CELA2A: variants seen among roughly 807,000 people sequenced by gnomAD.
CELA2A encodes the protein chymotrypsin-like elastase family member 2A.
Under a neutral mutation model 35.3 loss-of-function variants are expected in CELA2A, and 31 were observed. The observed-to-expected ratio is 0.88, with a 90% CI of 0.66 to 1.19. The LOEUF is 1.19. CELA2A is among the 50% of genes most tolerant of loss of function. CELA2A has a pLI of 0.00. For synonymous variants in CELA2A, 150 were observed against 149.8 expected (o/e 1.00, Z -0.01); for missense variants, 330 against 352.9 (o/e 0.94, Z 0.52).
chr1:15,459,248 G>A (rs1422789376), intron 2 of CELA2A, among the ~76,000 whole-genome samples: 5 of 151,058 alleles, frequency 3.3e-5, no homozygotes, highest in East Asian at 3.9e-4. Flanking sequence ...CAGCGGCCTC[G>A]AACTCCTAGG....
In CELA2A at chr1:15,461,657, A is replaced by C. The variant is rs770239262; in HGVS notation, c.226A>C (p.Ser76Arg). ...GGTCCTGACGGCTGCCCACTGCATCAGGTAACTGCCTTTCCCTGGGCGCTT... is the reference window on the plus strand; with the variant it reads ...GGTCCTGACGGCTGCCCACTGCATCCGGTAACTGCCTTTCCCTGGGCGCTT... ...SWVLTAAHCI[S>R]SSRTYRVGLG... The change falls in exon 3 of 8, where the codon AGC becomes CGC. Residue 76 changes from serine (S) to arginine (R), a missense_variant and splice_region_variant. By Grantham distance (110) the Ser-to-Arg change is moderately radical (BLOSUM62 -1). Coordinates refer to ENST00000359621, the MANE Select transcript of CELA2A (RefSeq NM_033440.3). The C allele has an allele frequency of 2.5e-6, 4 of 1,613,952 alleles. No individual in the cohort carries two copies. The highest frequency in any genetic ancestry group is 3.4e-6 in the Non-Finnish European group (4 of 1,179,958).
At chr1:15,464,098 G>A (rs554194594) in intron 5 of CELA2A, among the ~76,000 whole-genome samples, 1 of 152,116 alleles carries the variant, frequency 6.6e-6, no homozygotes, top group Non-Finnish European at 1.5e-5. Context: ...GAGTTGTCAC[G>A]AGGATTAAAG....
At chr1:15,460,232 C>G (rs1426844930) in intron 2 of CELA2A, among the ~76,000 whole-genome samples, 2 of 152,068 alleles carry the variant, frequency 1.3e-5, no homozygotes, top group African/African-American at 4.8e-5. Context: ...TTTAGCTACA[C>G]TTTGCTGGCC....
chr1:15,469,248 C>T (rs942148823), intron 7 of CELA2A, among the ~76,000 whole-genome samples: 1 of 152,242 alleles, frequency 6.6e-6, no homozygotes, highest in African/African-American at 2.4e-5. Context: ...ATGCCTCGTA[C>T]TGGATGCTAG....
At chr1:15,469,061 C>T (rs1392382716) in intron 7 of CELA2A, among the ~76,000 whole-genome samples, 1 of 152,072 alleles carries the variant, frequency 6.6e-6, no homozygotes. Context: ...GCTTGTAATC[C>T]CAGCTACTCA....
At chr1:15,467,685 A>G (rs1453709281) in intron 7 of CELA2A, 147 bp downstream of exon 7, 9 of 1,001,590 alleles carry the variant, frequency 9.0e-6, no homozygotes, top group Non-Finnish European at 1.1e-5. Flanking sequence ...GACCTGAGTA[A>G]CTGCTGGGCC....
intron 7 of CELA2A, among the ~76,000 whole-genome samples, chr1:15,471,318 G>T (rs1312712499): frequency 6.6e-6 from 1 of 152,140 alleles, no homozygotes; most frequent in Non-Finnish European, 1.5e-5. Flanking sequence ...AAGCTGAGGC[G>T]AGTAGATCAC....
At chr1:15,463,861 G>A (rs949006611) in intron 5 of CELA2A, among the ~76,000 whole-genome samples, 3 of 151,686 alleles carry the variant, frequency 2.0e-5, no homozygotes, top group Non-Finnish European at 2.9e-5. Context: ...TGACCAACAC[G>A]GAGAAACTCT....
In CELA2A at chr1:15,467,747, A is replaced by G. The variant is rs1165585278; in HGVS notation, c.792+209A>G. On this transcript the variant is annotated intron_variant, in intron 7 of 7. Coordinates refer to ENST00000359621, the MANE Select transcript of CELA2A (RefSeq NM_033440.3). ...TGGATAAAGCTGAGTGAAAAGGAAC[A>G]TAGAGGGTGGCCTTGTCCAAAGAGG... Among the ~76,000 whole-genome samples, 4 of 152,150 alleles carry G rather than the reference A, an allele frequency of 2.6e-5. 1 individual carries two copies. The highest frequency in any genetic ancestry group is 1.5e-5 in the Non-Finnish European group (1 of 68,028).
rs187117787 is a variant in CELA2A, at chr1:15,471,777, C to A, written c.793-213C>A. On this transcript the variant is annotated intron_variant, in intron 7 of 7. Transcript: ENST00000359621. ...CCCACACAGGACTCCTGGCTAAGAC[C>A]CCCTTTACAGGAAGACCCTAACAGG... Among the ~76,000 whole-genome samples, 757 of 152,224 alleles carry A rather than the reference C, an allele frequency of 5.0e-3. 31 individuals carry two copies. The highest frequency in any genetic ancestry group is 0.035 in the Admixed American group (534 of 15,294).
In CELA2A at chr1:15,461,648, C is replaced by A; in HGVS notation, c.217C>A (p.His73Asn). ...IANSWVLTAA[H>N]CISSSRTYRV... ...CAACAGCTGGGTCCTGACGGCTGCC[C>A]ACTGCATCAGGTAACTGCCTTTCCC... The change falls in exon 3 of 8, where the codon CAC becomes AAC. Residue 73 changes from histidine (H) to asparagine (N), a missense_variant. By Grantham distance (68) the His-to-Asn change is moderately conservative. Transcript: ENST00000359621. 6.2e-7 allele frequency: 1 copy of A among 1,613,936 alleles called. No individual in the cohort carries two copies. Among genetic ancestry groups the A allele is most frequent in the Non-Finnish European group, 8.5e-7 (1 of 1,180,052 alleles).
Position 15,456,761 on chromosome 1 carries a change from G to C in CELA2A, c.8G>C (p.Arg3Thr). The C allele has an allele frequency of 6.2e-7, 1 of 1,614,170 alleles. No homozygotes were observed. The highest frequency in any genetic ancestry group is 8.5e-7 in the Non-Finnish European group (1 of 1,180,028). Residue 3 changes from arginine to threonine, a missense_variant, in exon 1 of 8, where the codon AGG becomes ACG. Coordinates refer to ENST00000359621, the MANE Select transcript of CELA2A (RefSeq NM_033440.3). MI[R>T]TLLLSTLVAG... ...AACTCCCACGGACACACCATGATAA[G>C]GACGCTGCTGCTGTCCACTTTGGTG...
chr1:15,467,107 C>A (rs1430552369), intron 6 of CELA2A, among the ~76,000 whole-genome samples: 1 of 152,204 alleles, frequency 6.6e-6, no homozygotes, highest in Non-Finnish European at 1.5e-5. Context: ...AGTTTCTCCT[C>A]TTCCGTGGCC....
chr1:15,465,888 C>A, intron 5 of CELA2A, 111 bp from the exon 6 acceptor site: 3 of 1,291,898 alleles, frequency 2.3e-6, no homozygotes, highest in Non-Finnish European at 3.3e-6. Flanking sequence ...TGGCTGTTCG[C>A]ATGTTGCAAT....
chr1:15,471,441 G>A (rs185992578), intron 7 of CELA2A, among the ~76,000 whole-genome samples: 3 of 152,120 alleles, frequency 2.0e-5, no homozygotes, highest in African/African-American at 4.8e-5. Flanking sequence ...TCAGCTACCC[G>A]GGAGGCTGAT....
Position 15,463,385 on chromosome 1 carries a change from G to A in CELA2A, c.357-1G>A, listed in dbSNP as rs755250542. The A allele has an allele frequency of 6.8e-6, 11 of 1,613,620 alleles. 1 individual carries two copies. In the South Asian group the frequency reaches 1.2e-4, roughly 18 times the overall value. On this transcript the variant is annotated splice_acceptor_variant, in intron 4 of 7. Coordinates refer to ENST00000359621, the MANE Select transcript of CELA2A (RefSeq NM_033440.3). LOFTEE classifies it high-confidence loss of function. ...CATGCTTCGCCTCCACACTCACCCAGGAACGACATTGCCCTGCTCAAACTG... is the reference window on the plus strand; with the variant it reads ...CATGCTTCGCCTCCACACTCACCCAAGAACGACATTGCCCTGCTCAAACTG...
intron 7 of CELA2A, among the ~76,000 whole-genome samples, chr1:15,469,859 C>G (rs1026102978): frequency 7.9e-5 from 12 of 152,118 alleles, no homozygotes; most frequent in Non-Finnish European, 4.4e-5. Context: ...AGACCGTTTT[C>G]CAGCCCCAGC....
At chr1:15,467,594 G>T in intron 7 of CELA2A, 56 bp downstream of exon 7, 1 of 1,585,854 alleles carries the variant, frequency 6.3e-7, no homozygotes. Flanking sequence ...CCTGGCCTCG[G>T]GAGTGCCATG....
intron 3 of CELA2A, 75 bp downstream of exon 3, chr1:15,461,733 T>C (rs1708437890): frequency 6.5e-7 from 1 of 1,545,744 alleles, no homozygotes; most frequent in African/African-American, 1.4e-5. Flanking sequence ...TCAAATGGCC[T>C]GAACCATGCT....
Sources: allele counts gnomAD v4.1 joint callset (sites outside exome capture counted in the v4.1 genomes callset), GRCh38; gene constraint gnomAD v4.1.1; transcripts MANE v1.5; gene names NCBI Gene and HGNC (gene_info 2026-07-23, HGNC 2026-07-21).